Variants in MIA2 observed in about 807,000 individuals in gnomAD.
The protein encoded by MIA2 is MIA SH3 domain ER export factor 2, also known as melanoma inhibitory activity protein 2.
A neutral mutation model predicts 167.8 loss-of-function variants in MIA2; 127 were observed. The ratio of observed to expected loss-of-function variants is 0.76; its 90% confidence interval spans 0.66 to 0.88. MIA2 has a LOEUF of 0.88. MIA2 is among the 40% of genes least tolerant of loss of function. MIA2 has a pLI of 0.00. For synonymous variants in MIA2, 552 were observed against 541.9 expected (o/e 1.02, Z -0.26); for missense variants, 1,690 against 1,624.7 (o/e 1.04, Z -0.69).
intron 9 of MIA2, among the ~76,000 whole-genome samples, chr14:39,287,669 TCTC>T (rs2060007662): frequency 6.6e-6 from 1 of 152,102 alleles, no homozygotes; most frequent in South Asian, 2.1e-4. Context: ...TTCAAGCAAT[TCTC>T]CTGCGTCAGC....
intron 23 of MIA2, among the ~76,000 whole-genome samples, chr14:39,371,650 A>G (rs977661956): frequency 6.6e-6 from 1 of 152,262 alleles, no homozygotes; most frequent in Non-Finnish European, 1.5e-5. Flanking sequence ...TTTTGTATAA[A>G]GAGCAGTTAA....
In MIA2 at chr14:39,304,237, A is replaced by T. The variant is rs78971361; in HGVS notation, c.2788-54A>T. 1.4e-3 allele frequency: 981 copies of T among 696,706 alleles called. 7 individuals carry two copies. The African/African-American group carries it at 0.015, about 11-fold the overall frequency. The allele number at this position is 696,706 out of a possible 1,614,324, so 43.2% of individuals were successfully genotyped here. A position where few individuals can be genotyped will look rare whatever the true frequency, so the allele number is the denominator to read the frequency against. ...TACTGAGGTTTTATTTTTTATTTTTATTTTTTTGTATAACTGATTAATGTT... is the reference window on the plus strand; with the variant it reads ...TACTGAGGTTTTATTTTTTATTTTTTTTTTTTTGTATAACTGATTAATGTT... On this transcript the variant is annotated intron_variant, in intron 16 of 28. Transcript: ENST00000640607.
rs1452533336 is a variant in MIA2, at chr14:39,285,305, C to A, written c.2131-5714C>A. On this transcript the variant is annotated intron_variant, in intron 9 of 28. Transcript: ENST00000640607. The stretch of plus-strand genomic sequence containing the variant: ...GGGGTGGTGGCTGGGCAGAAGGGCT[C>A]CTCACTTCCCAGAAGGGGCAGCCGG... 2.0e-5 allele frequency among the ~76,000 whole-genome samples: 3 copies of A among 152,082 alleles called. No homozygotes were observed. In the East Asian group the frequency reaches 5.8e-4, roughly 29 times the overall value.
intron 25 of MIA2, among the ~76,000 whole-genome samples, chr14:39,345,347 T>TA (rs2073003285): frequency 6.6e-6 from 1 of 152,166 alleles, no homozygotes; most frequent in Non-Finnish European, 1.5e-5. Flanking sequence ...GTGCTGGTAT[T>TA]ACAGGTGTGA....
At position 39,291,027 on chromosome 14, in the gene MIA2, C is replaced by T. The variant is rs1349817610; in HGVS notation, c.2139C>T (p.Gly713=). The change falls in exon 10 of 29, where the codon GGC becomes GGT. Residue 713 remains glycine (G), a synonymous_variant. Transcript: ENST00000640607. ...ATGTTGCTTTGTTTCAGTATGAAGG[C>T]TATGAAGTAGAGTCATCTTTAAAGG... ...KFSLVQKEYE[G]YEVESSLKDA... is the part of the protein sequence containing the mutation. 1 of 1,605,480 alleles carries T rather than the reference C, an allele frequency of 6.2e-7. No homozygotes were observed. The highest frequency in any genetic ancestry group is 1.3e-5 in the African/African-American group (1 of 74,370).
At chr14:39,267,435 C>CGACCACGA in intron 6 of MIA2, 1 of 1,610,822 alleles carries the variant, frequency 6.2e-7, no homozygotes, top group East Asian at 2.2e-5. Context: ...GTTACTGTGG[C>CGACCACGA]GACCACGAGA....
intron 23 of MIA2, chr14:39,386,232 T>C (rs1189963556): frequency 1.4e-6 from 2 of 1,418,300 alleles, no homozygotes; most frequent in East Asian, 4.6e-5. Context: ...TCTGCAGTTG[T>C]ATTTTTGGTA....
intron 23 of MIA2, 52 bp from the exon 24 acceptor site, chr14:39,320,876 A>G (rs1345612427): frequency 3.8e-6 from 6 of 1,581,440 alleles, no homozygotes; most frequent in Non-Finnish European, 5.2e-6. Flanking sequence ...CTAACTCTGT[A>G]GTGTAGCTAA....
chr14:39,295,684 C>T (rs1007651037), intron 13 of MIA2, among the ~76,000 whole-genome samples: 3 of 152,060 alleles, frequency 2.0e-5, no homozygotes, highest in South Asian at 2.1e-4. Flanking sequence ...CTCAGCCTCC[C>T]GAGTAGCTGG....
chr14:39,333,557 A>G (rs2069466812), intron 25 of MIA2, among the ~76,000 whole-genome samples: 1 of 152,166 alleles, frequency 6.6e-6, no homozygotes, highest in South Asian at 2.1e-4. Context: ...TCTTCAGGCA[A>G]GAAAGTTTTA....
In MIA2 at chr14:39,374,197, A is replaced by C. The variant is rs139669678; in HGVS notation, c.2249-12688A>C. On this transcript the variant is annotated intron_variant, in intron 23 of 23. Coordinates refer to the MIA2 transcript ENST00000341502. ...ACATTCAAAGAAATGGTAGCTGAGA[A>C]TTTCTCAGAGTTGATGAAAAATGTA... is the stretch of plus-strand genomic sequence containing the variant. Among the ~76,000 whole-genome samples the C allele has an allele frequency of 2.3e-3, 357 of 152,348 alleles. 1 individual carries two copies. The highest frequency in any genetic ancestry group is 7.2e-3 in the African/African-American group (300 of 41,588).
chr14:39,346,155 A>G, intron 26 of MIA2, 129 bp downstream of exon 26: 1 of 741,580 alleles, frequency 1.3e-6, no homozygotes, highest in Non-Finnish European at 2.3e-6. Context: ...TTTCCTGAAA[A>G]TGTCCTGGTT....
intron 6 of MIA2, among the ~76,000 whole-genome samples, chr14:39,262,548 G>T (rs1213548677): frequency 6.6e-6 from 1 of 152,198 alleles, no homozygotes; most frequent in African/African-American, 2.4e-5. Flanking sequence ...CCAATTCTGT[G>T]AAGGAAGTCA....
chr14:39,279,850 A>G (rs1055665084), intron 9 of MIA2, among the ~76,000 whole-genome samples: 20 of 152,162 alleles, frequency 1.3e-4, no homozygotes, highest in African/African-American at 4.8e-4. Context: ...TCGTAAAGAC[A>G]CCAGTCAGAT....
At chr14:39,238,807 A>AAAAAAAAAAAAAAAAAAAAAAAAT (rs1566583465) in intron 2 of MIA2, among the ~76,000 whole-genome samples, 1 of 148,390 alleles carries the variant, frequency 6.7e-6, no homozygotes, top group African/African-American at 2.5e-5. Flanking sequence ...AAAAAAAAAA[A>AAAAAAAAAAAAAAAAAAAAAAAAT]AAAACCCAAA....
At chr14:39,339,958 G>T (rs1350901959) in intron 25 of MIA2, among the ~76,000 whole-genome samples, 1 of 152,144 alleles carries the variant, frequency 6.6e-6, no homozygotes. Context: ...TGATCCTCCT[G>T]CTTTAGCCTC....
At chr14:39,279,719 A>G (rs1322425188) in intron 9 of MIA2, among the ~76,000 whole-genome samples, 182 bp downstream of exon 9, 1 of 152,206 alleles carries the variant, frequency 6.6e-6, no homozygotes, top group Admixed American at 6.5e-5. Flanking sequence ...TAGTAGGTGT[A>G]CAATGGTGTC....
Position 39,294,983 on chromosome 14 carries a change from A to T in MIA2, c.2450A>T (p.Lys817Ile). 6.2e-7 allele frequency: 1 copy of T among 1,614,070 alleles called. No homozygotes were observed. Among genetic ancestry groups the T allele is most frequent in the Non-Finnish European group, 8.5e-7 (1 of 1,179,924 alleles). Residue 817 changes from lysine to isoleucine, a missense_variant, in exon 13 of 29, where the codon AAA becomes ATA. Transcript: ENST00000640607. The stretch of plus-strand genomic sequence containing the variant: ...GAAGAACGACTGAAGATAGCAATAA[A>T]AGATGCTTTGAATGAAAATTCTCAA... ...MNEERLKIAI[K>I]DALNENSQLQ...
At chr14:39,237,987 G>T (rs572042288) in intron 2 of MIA2, among the ~76,000 whole-genome samples, 51 of 152,102 alleles carry the variant, frequency 3.4e-4, no homozygotes, top group Non-Finnish European at 1.8e-4. Flanking sequence ...TGATCCACCC[G>T]CCTTGGCCTT....
Sources: allele counts gnomAD v4.1 joint callset (sites outside exome capture counted in the v4.1 genomes callset), GRCh38; gene constraint gnomAD v4.1.1; transcripts MANE v1.5; gene names NCBI Gene and HGNC (gene_info 2026-07-23, HGNC 2026-07-21).